Variants in RGMB observed in about 807,000 individuals in gnomAD.
The protein encoded by RGMB is repulsive guidance molecule BMP co-receptor b, also known as repulsive guidance molecule B.
RGMB carries 16 observed loss-of-function variants against 26.9 expected under a neutral mutation model. The ratio of observed to expected loss-of-function variants is 0.60; its 90% confidence interval spans 0.40 to 0.90. The LOEUF (loss-of-function observed/expected upper bound fraction) is 0.90. RGMB is among the 40% of genes least tolerant of loss of function. RGMB has a pLI of 0.00. For missense variants in RGMB, 512 were observed against 573.3 expected (o/e 0.89, Z 1.09); for synonymous variants, 225 against 229.3 (o/e 0.98, Z 0.17).
At chr5:98,785,288 T>A (rs1746738355) in intron 2 of RGMB, among the ~76,000 whole-genome samples, 1 of 152,200 alleles carries the variant, frequency 6.6e-6, no homozygotes, top group Non-Finnish European at 1.5e-5. Context: ...TCTAAGCACA[T>A]AACTAAAATT....
chr5:98,773,701 C>T lies in RGMB; in HGVS notation c.-370C>T. The stretch of plus-strand genomic sequence containing the variant: ...GGCCGCCGGTGGGTGGTCGCTAGGG[C>T]TGGGCCAGCCTCTTGGAGGTCCACG... On this transcript the variant is annotated 5_prime_UTR_variant, in exon 1 of 3. Transcript: ENST00000513185. 2 of 370,810 alleles carry T rather than the reference C, an allele frequency of 5.4e-6. No homozygotes were observed. 23.0% of individuals were successfully genotyped at this position (370,810 alleles called of 1,614,324 possible).
upstream of RGMB, chr5:98,769,960 C>A (rs1445276062): frequency 6.6e-6 from 1 of 152,420 alleles, no homozygotes; most frequent in Non-Finnish European, 1.5e-5. Context: ...GCGCCCACGA[C>A]CCAGGGACAG....
At chr5:98,776,283 T>G (rs1046442672) in intron 1 of RGMB, among the ~76,000 whole-genome samples, 7 of 152,154 alleles carry the variant, frequency 4.6e-5, no homozygotes, top group African/African-American at 1.7e-4. Context: ...GACCCAAAAA[T>G]AGAGAAATCT....
At chr5:98,779,128 T>C (rs745393620) in intron 1 of RGMB, among the ~76,000 whole-genome samples, 7 of 152,198 alleles carry the variant, frequency 4.6e-5, no homozygotes, top group Non-Finnish European at 1.0e-4. Flanking sequence ...GGGGAGGTTT[T>C]AACCATGGTT....
upstream of RGMB, chr5:98,771,885 G>A (rs761339827): frequency 3.3e-5 from 5 of 152,158 alleles, no homozygotes; most frequent in Non-Finnish European, 5.9e-5. Context: ...TTTGAAGTAT[G>A]ATCAATAAAG....
chr5:98,770,691 A>C, upstream of RGMB: 1 of 1,435,126 alleles, frequency 7.0e-7, no homozygotes. Context: ...CAGGCACTTG[A>C]TTTCTCAAGT....
In RGMB at chr5:98,780,024, A is replaced by G. The variant is rs982832027; in HGVS notation, c.581A>G (p.Tyr194Cys). The G allele has an allele frequency of 1.9e-6, 3 of 1,613,770 alleles. No homozygotes were observed. Among genetic ancestry groups the G allele is most frequent in the Non-Finnish European group, 2.5e-6 (3 of 1,179,874 alleles). The stretch of plus-strand genomic sequence containing the variant: ...GCCTGGCCACTCATAGATAATAATT[A>G]TCTTTCAGTTCAAGTGACAAACGTA... ...EGAWPLIDNN[Y>C]LSVQVTNVPV... is the part of the protein sequence containing the mutation. The change falls in exon 2 of 3, where the codon TAT (tyrosine) becomes TGT (cysteine). Residue 194 changes from tyrosine (Y) to cysteine (C), a missense_variant. Transcript: ENST00000513185.
chr5:98,771,455 C>G (rs938154029), upstream of RGMB, among the ~76,000 whole-genome samples: 31 of 152,196 alleles, frequency 2.0e-4, no homozygotes, highest in Non-Finnish European at 4.6e-4. Flanking sequence ...AAGCCAATTC[C>G]TGATCTTGTG....
chr5:98,778,290 T>C (rs1746477571), intron 1 of RGMB, among the ~76,000 whole-genome samples: 1 of 152,190 alleles, frequency 6.6e-6, no homozygotes, highest in African/African-American at 2.4e-5. Context: ...CTTGATATCA[T>C]CCTGAAGTTT....
intron 2 of RGMB, among the ~76,000 whole-genome samples, chr5:98,788,005 C>T (rs1475759641): frequency 1.3e-5 from 2 of 152,192 alleles, no homozygotes; most frequent in Non-Finnish European, 2.9e-5. Flanking sequence ...GCAGCCAAGG[C>T]AGCCCCTGTT....
At chr5:98,782,190 ACT>A (rs1049221622) in intron 2 of RGMB, among the ~76,000 whole-genome samples, 8 of 151,914 alleles carry the variant, frequency 5.3e-5, no homozygotes, top group African/African-American at 1.9e-4. Flanking sequence ...TCTCTTTGTA[ACT>A]CTCTCCAAAG....
chr5:98,789,444 C>T (rs1746858309), intron 2 of RGMB, among the ~76,000 whole-genome samples: 1 of 152,012 alleles, frequency 6.6e-6, no homozygotes, highest in Admixed American at 6.6e-5. Context: ...TGTGTATTTC[C>T]CTCTTTGTTG....
chr5:98,774,313 C>G, intron 1 of RGMB, 107 bp downstream of exon 1: 1 of 1,184,438 alleles, frequency 8.4e-7, no homozygotes, highest in Non-Finnish European at 1.1e-6. Context: ...CGGCGTGGCG[C>G]AACGGGAAAG....
At chr5:98,770,670 T>C, upstream of RGMB, 1 of 1,466,362 alleles carries the variant, frequency 6.8e-7, no homozygotes, top group South Asian at 1.5e-5. Context: ...GGGTTAAGAA[T>C]GATGTAAGTA....
intron 1 of RGMB, among the ~76,000 whole-genome samples, chr5:98,774,663 G>A (rs950873361): frequency 6.6e-6 from 1 of 152,224 alleles, no homozygotes. Context: ...CGAGGCGAAG[G>A]AAGTACACCA....
At position 98,773,750 on chromosome 5, in the gene RGMB, G is replaced by T; in HGVS notation, c.-321G>T. On this transcript the variant is annotated 5_prime_UTR_variant, in exon 1 of 3. Coordinates refer to ENST00000513185, the MANE Select transcript of RGMB (RefSeq NM_001366508.1). ...CGCCCGCCGAGCCCACGCTGGCTGG[G>T]GCCGGGGTGCCGGCGCGCTCGGGAC... is the stretch of plus-strand genomic sequence containing the variant. 2.6e-6 allele frequency: 1 copy of T among 382,838 alleles called. No individual in the cohort carries two copies. Among genetic ancestry groups the T allele is most frequent in the Non-Finnish European group, 4.6e-6 (1 of 216,472 alleles). The allele number at this position is 382,838 out of a possible 1,614,324, so 23.7% of individuals were successfully genotyped here. A position where few individuals can be genotyped will look rare whatever the true frequency, so the allele number is the denominator to read the frequency against.
rs1473331308 is a variant in RGMB at position 98,794,558 on chromosome 5, A to G, written c.*805A>G. On this transcript the variant is annotated 3_prime_UTR_variant, in exon 3 of 3. Coordinates refer to ENST00000513185, the MANE Select transcript of RGMB (RefSeq NM_001366508.1). The stretch of plus-strand genomic sequence containing the variant: ...TTTCTCATCCCATGCCCCGTTTTAA[A>G]TTGTCAGTTTTCCCTCTGACTCTTC... 1 of 152,202 alleles carries G rather than the reference A, an allele frequency of 6.6e-6. No homozygotes were observed. Among genetic ancestry groups the G allele is most frequent in the East Asian group, 1.9e-4 (1 of 5,200 alleles). 9.4% of individuals were successfully genotyped at this position (152,202 alleles called of 1,614,324 possible).
rs770124301 is a variant in RGMB at position 98,793,772 on chromosome 5, G to GT, written c.*25dup. ...TTTGTAGGGGTTGTCTTTTGTTTTG[G>GT]TTTTTTATTTTTTGTCTATAACAAA... is the stretch of plus-strand genomic sequence containing the variant. On this transcript the variant is annotated 3_prime_UTR_variant, in exon 3 of 3. Coordinates refer to ENST00000513185, the MANE Select transcript of RGMB (RefSeq NM_001366508.1). 34 of 1,500,342 alleles carry GT rather than the reference G, an allele frequency of 2.3e-5. No homozygotes were observed. The Admixed American group carries it at 6.7e-4, about 29-fold the overall frequency. 92.9% of individuals were successfully genotyped at this position (1,500,342 alleles called of 1,614,324 possible).
intron 1 of RGMB, among the ~76,000 whole-genome samples, chr5:98,774,896 C>T (rs1015027097): frequency 6.6e-6 from 1 of 152,194 alleles, no homozygotes; most frequent in South Asian, 2.1e-4. Flanking sequence ...CTTCCCCAGC[C>T]TTGAGGCGTA....
Sources: allele counts gnomAD v4.1 joint callset (sites outside exome capture counted in the v4.1 genomes callset), GRCh38; gene constraint gnomAD v4.1.1; transcripts MANE v1.5; gene names NCBI Gene and HGNC (gene_info 2026-07-23, HGNC 2026-07-21).